FKBP11: variants seen among roughly 807,000 people sequenced by gnomAD.
FKBP11 encodes the protein FKBP prolyl isomerase 11.
In FKBP11, 21 loss-of-function variants were observed where a neutral mutation model predicts 24.7. That is an observed-to-expected ratio of 0.85 (90% CI 0.60 to 1.23). The LOEUF (loss-of-function observed/expected upper bound fraction) is 1.23, where lower values mean the gene tolerates loss of function less well. Among genes scored for constraint, FKBP11 ranks in the 50% most tolerant of loss-of-function variants. The probability of loss-of-function intolerance (pLI) is 0.00; values close to 1 mark genes in which losing one functional copy is unlikely to be tolerated. For missense variants in FKBP11, 245 were observed against 248.7 expected (o/e 0.99, Z 0.10); for synonymous variants, 106 against 100.6 (o/e 1.05, Z -0.32).
upstream of FKBP11, among the ~76,000 whole-genome samples, chr12:48,927,948 G>C (rs1475754693): frequency 3.3e-5 from 5 of 150,992 alleles, no homozygotes; most frequent in Non-Finnish European, 5.9e-5. Flanking sequence ...AAAAAGACTA[G>C]TCAAGTGCAG....
intron 5 of FKBP11, 168 bp from the exon 6 acceptor site, chr12:48,922,369 C>T (rs144077882): frequency 1.8e-5 from 13 of 721,652 alleles, no homozygotes; most frequent in Admixed American, 3.2e-5. Context: ...GGAGGATTTA[C>T]GAGCAGAGTC....
chr12:48,924,014 C>A (rs778797299), intron 4 of FKBP11, 162 bp from the exon 5 acceptor site: 11 of 875,446 alleles, frequency 1.3e-5, no homozygotes, highest in Admixed American at 1.2e-4. Flanking sequence ...GTGTCCATCT[C>A]CCCATGTGCC....
chr12:48,924,235 T>G lies in FKBP11; in HGVS notation c.305A>C (p.Asp102Ala), dbSNP rs747878396. ...VIPGLEQSLLDMCVGEKRRAI... is the reference protein window; with the variant it reads ...VIPGLEQSLLAMCVGEKRRAI... ...CCGAGATACTCACCCCACACACATG[T>G]CGAGAAGACTCTGCTCCAGACCTTG... The change falls in exon 4 of 6, where the codon GAC (aspartate) becomes GCC (alanine). Residue 102 changes from aspartate to alanine, a missense_variant. Physicochemically the swap from Asp to Ala is moderately radical, Grantham distance 126. Coordinates refer to ENST00000550765, the MANE Select transcript of FKBP11 (RefSeq NM_016594.3). 1 of 1,614,158 alleles carries G rather than the reference T, an allele frequency of 6.2e-7. No homozygotes were observed. The highest frequency in any genetic ancestry group is 1.7e-5 in the Admixed American group (1 of 60,022).
chr12:48,931,128 T>TAAAAAAAAA (rs35482677), upstream of FKBP11, among the ~76,000 whole-genome samples: 14 of 36,210 alleles, frequency 3.9e-4, 2 homozygotes, highest in East Asian at 1.4e-3. Flanking sequence ...GACTCCAGCT[T>TAAAAAAAAA]AAAAAAAAAA....
upstream of FKBP11, chr12:48,925,540 G>A (rs1429132588): frequency 2.3e-6 from 3 of 1,324,614 alleles, no homozygotes; most frequent in Non-Finnish European, 3.0e-6. Context: ...GGGGCGGGTC[G>A]CGATGCTAGA....
intron 5 of FKBP11, chr12:48,922,877 G>A (rs550642853): frequency 1.1e-5 from 11 of 1,034,278 alleles, no homozygotes; most frequent in African/African-American, 8.7e-5. Context: ...AGCCAGGCGC[G>A]GTGGCTCATG....
chr12:48,932,253 ATATATATATTTTTTTTT>A, the FKBP11 span, among the ~76,000 whole-genome samples: 7 of 38,464 alleles, frequency 1.8e-4, no homozygotes, highest in East Asian at 1.1e-3. Context: ...ATATATATAT[ATATATATATTTTTTTTT>A]TTTTTTTTTT....
chr12:48,931,574 T>C, the FKBP11 span: 13 of 1,069,772 alleles, frequency 1.2e-5, no homozygotes, highest in African/African-American at 1.6e-5. Flanking sequence ...CACAGAACCA[T>C]TGCTAGAAAA....
rs772814777 is a variant in FKBP11, at chr12:48,925,215, C to A, written c.129+85G>T. The A allele has an allele frequency of 3.8e-6, 6 of 1,585,816 alleles. No homozygotes were observed. In the South Asian group the frequency reaches 6.9e-5, roughly 18 times the overall value. ...TCAGTTCCCGCACTTCCTCTCCTCC[C>A]GGCTCCCAGGTTCGCTGAGACCCCA... On this transcript the variant is annotated intron_variant, in intron 1 of 5. Coordinates refer to ENST00000550765, the MANE Select transcript of FKBP11 (RefSeq NM_016594.3).
upstream of FKBP11, chr12:48,925,705 A>T (rs1448258647): frequency 4.1e-6 from 2 of 490,986 alleles, no homozygotes; most frequent in Admixed American, 6.6e-5. Context: ...GCCAAACAAT[A>T]GCACCCATTT....
In FKBP11 at chr12:48,925,377, G is replaced by A. The variant is rs766484996; in HGVS notation, c.52C>T (p.Leu18Phe). The stretch of plus-strand genomic sequence containing the variant: ...TCAGCCCGGCACACCGCCGCACTGA[G>A]CAGCAGCAGCAGCAGCAGATGGAGC... Reference protein sequence around the residue: ...LPLHLLLLLLLSAAVCRAEAG... With the variant: ...LPLHLLLLLLFSAAVCRAEAG... The change falls in exon 1 of 6, where the codon CTC becomes TTC. Residue 18 changes from leucine (L) to phenylalanine (F), a missense_variant. Physicochemically the swap from Leu to Phe is conservative, Grantham distance 22. Transcript: ENST00000550765. 6.5e-7 allele frequency: 1 copy of A among 1,541,468 alleles called. No individual in the cohort carries two copies. Among genetic ancestry groups the A allele is most frequent in the South Asian group, 1.2e-5 (1 of 84,036 alleles).
At chr12:48,928,818 C>CTTTTTTT (rs1196484675), upstream of FKBP11, among the ~76,000 whole-genome samples, 129 of 94,238 alleles carry the variant, frequency 1.4e-3, 7 homozygotes, top group Non-Finnish European at 2.0e-3. Context: ...AAACTTCTAT[C>CTTTTTTT]TTTTTTTTTT....
upstream of FKBP11, chr12:48,931,462 C>T (rs1420576833): frequency 2.6e-5 from 40 of 1,535,854 alleles, no homozygotes; most frequent in Non-Finnish European, 3.5e-5. Flanking sequence ...GGAGCTTTTT[C>T]CTTGGATCAA....
chr12:48,923,711 G>GTA, intron 5 of FKBP11, 71 bp downstream of exon 5: 1 of 1,587,018 alleles, frequency 6.3e-7, no homozygotes, highest in South Asian at 1.1e-5. Context: ...ATCAAACAAA[G>GTA]TATATAGCTC....
chr12:48,923,377 T>C (rs1939879218), intron 5 of FKBP11: 2 of 1,449,174 alleles, frequency 1.4e-6, no homozygotes, highest in Non-Finnish European at 1.8e-6. Context: ...TTGACTGTGA[T>C]TATTTTTACT....
At chr12:48,938,499 C>G in the FKBP11 span, 1 of 450,682 alleles carries the variant, frequency 2.2e-6, no homozygotes, top group Admixed American at 2.4e-5. Context: ...CACGCAAACA[C>G]AGAGAGGCCC....
In FKBP11 at chr12:48,922,097, C is replaced by A; in HGVS notation, c.493G>T (p.Val165Leu). ...GILPLVGMAM[V>L]PALLGLIGYH... The stretch of plus-strand genomic sequence containing the variant: ...CCAATGAGGCCCAGGAGGGCTGGCA[C>A]CATGGCCATCCCTACCAGAGGCAAA... The change falls in exon 6 of 6, where the codon GTG becomes TTG. Residue 165 changes from valine (V) to leucine (L), a missense_variant. Transcript: ENST00000550765. 1 of 1,614,166 alleles carries A rather than the reference C, an allele frequency of 6.2e-7. No individual in the cohort carries two copies. Among genetic ancestry groups the A allele is most frequent in the South Asian group, 1.1e-5 (1 of 91,080 alleles).
chr12:48,936,452 G>A, the FKBP11 span: 1 of 152,596 alleles, frequency 6.6e-6, no homozygotes, highest in Non-Finnish European at 1.5e-5. Flanking sequence ...AGGAGAGGGA[G>A]TGGGCAGAAA....
chr12:48,922,156 C>A lies in FKBP11; in HGVS notation c.434G>T (p.Arg145Leu). The A allele has an allele frequency of 6.2e-7, 1 of 1,614,056 alleles. No individual in the cohort carries two copies. Among genetic ancestry groups the A allele is most frequent in the South Asian group, 1.1e-5 (1 of 91,078 alleles). The change falls in exon 6 of 6, where the codon CGA becomes CTA. Residue 145 changes from arginine to leucine, a missense_variant. Transcript: ENST00000550765. Reference sequence around the variant, plus strand: ...CACCAGCTTTAGCCAGTAGTTGGCTCGGATTAGTGCAATCAGCTCCACGTC... The same window carrying A: ...CACCAGCTTTAGCCAGTAGTTGGCTAGGATTAGTGCAATCAGCTCCACGTC... ...QYDVELIALI[R>L]ANYWLKLVKG...
Sources: gnomAD v4.1 joint callset for allele counts (sites outside exome capture counted in the v4.1 genomes callset) on GRCh38, gnomAD v4.1.1 for gene constraint, MANE v1.5 for transcripts, NCBI Gene and HGNC (gene_info 2026-07-23, HGNC 2026-07-21) for gene names.